Variants in TIMM9 observed in about 807,000 individuals in gnomAD.
The protein encoded by TIMM9 is translocase of inner mitochondrial membrane 9, also known as mitochondrial import inner membrane translocase subunit Tim9.
A neutral mutation model predicts 13.4 loss-of-function variants in TIMM9; 10 were observed. The observed-to-expected ratio is 0.75, with a 90% CI of 0.46 to 1.26. The LOEUF is 1.26. Ranked by LOEUF, TIMM9 falls within the 50% of genes most tolerant of loss-of-function variation. The probability of loss-of-function intolerance (pLI) is 0.00; values close to 1 mark genes in which losing one functional copy is unlikely to be tolerated. For synonymous variants in TIMM9, 32 were observed against 32.1 expected, an observed-to-expected ratio of 1.00 and a Z score of 0.01; for missense variants, 87 against 100.8, an observed-to-expected ratio of 0.86 and a Z score of 0.58.
intron 5 of TIMM9, among the ~76,000 whole-genome samples, chr14:58,410,405 G>A (rs555087141): frequency 9.3e-5 from 14 of 151,052 alleles, no homozygotes; most frequent in East Asian, 7.7e-4. Context: ...GTAACAGAGC[G>A]AGACCCTGTC....
At chr14:58,417,600 G>A (rs1451754536) in intron 3 of TIMM9, among the ~76,000 whole-genome samples, 1 of 136,132 alleles carries the variant, frequency 7.3e-6, no homozygotes, top group Non-Finnish European at 1.6e-5. Flanking sequence ...GTGGGAGGGA[G>A]GGAGGGACTT....
At chr14:58,415,708 T>C (rs934544097) in intron 3 of TIMM9, among the ~76,000 whole-genome samples, 2 of 152,012 alleles carry the variant, frequency 1.3e-5, no homozygotes, top group Non-Finnish European at 2.9e-5. Context: ...AAAGGACTTG[T>C]AGAAGTATAA....
chr14:58,422,885 C>T (rs1346607699), intron 3 of TIMM9, among the ~76,000 whole-genome samples: 2 of 152,000 alleles, frequency 1.3e-5, no homozygotes, highest in East Asian at 3.9e-4. Flanking sequence ...TTTCAGCTTA[C>T]TACATCTTCC....
chr14:58,421,033 A>G (rs1230571621), intron 3 of TIMM9, among the ~76,000 whole-genome samples: 1 of 152,164 alleles, frequency 6.6e-6, no homozygotes, highest in African/African-American at 2.4e-5. Context: ...TAGAGAAATG[A>G]AAATTTGTGT....
intron 3 of TIMM9, among the ~76,000 whole-genome samples, chr14:58,417,983 G>A (rs1199394365): frequency 6.6e-6 from 1 of 152,042 alleles, no homozygotes. Context: ...TATGAAGTTA[G>A]TATTATCCTG....
intron 2 of TIMM9, among the ~76,000 whole-genome samples, chr14:58,424,878 G>A (rs2036689032): frequency 6.6e-6 from 1 of 151,808 alleles, no homozygotes; most frequent in East Asian, 1.9e-4. Context: ...AAGAAAAAAC[G>A]TATAAGCTAA....
chr14:58,414,466 G>A (rs953302563), intron 3 of TIMM9, among the ~76,000 whole-genome samples: 3 of 151,882 alleles, frequency 2.0e-5, no homozygotes, highest in East Asian at 1.9e-4. Context: ...GGCTGGGCAC[G>A]GTGGCTCACA....
In TIMM9 at chr14:58,427,396, T is replaced by A. The variant is rs1031413913; in HGVS notation, c.-308A>T. 1 of 516,658 alleles carries A rather than the reference T, an allele frequency of 1.9e-6. No homozygotes were observed. The highest frequency in any genetic ancestry group is 1.9e-5 in the African/African-American group (1 of 52,138). 32.0% of individuals were successfully genotyped at this position (516,658 alleles called of 1,614,324 possible). On this transcript the variant is annotated 5_prime_UTR_variant, in exon 1 of 6. Coordinates refer to ENST00000395159, the MANE Select transcript of TIMM9 (RefSeq NM_012460.4). ...CTTCTTGGAAGCCTAATTTACCTAA[T>A]CCCACGTCCCTAACGGTCTTCGGAA...
intron 3 of TIMM9, among the ~76,000 whole-genome samples, chr14:58,423,492 G>C (rs2036647646): frequency 6.9e-6 from 1 of 145,780 alleles, no homozygotes; most frequent in African/African-American, 2.6e-5. Context: ...TCCAGCCTGG[G>C]TGACAGAGCG....
intron 2 of TIMM9, among the ~76,000 whole-genome samples, 182 bp downstream of exon 2, chr14:58,426,867 CCCAGG>C (rs2036852863): frequency 6.6e-6 from 1 of 152,186 alleles, no homozygotes; most frequent in African/African-American, 2.4e-5. Context: ...CCTACCCTCG[CCCAGG>C]TGACACCATC....
chr14:58,409,116 A>T lies in TIMM9; in HGVS notation c.188T>A (p.Ile63Lys). The T allele has an allele frequency of 6.2e-7, 1 of 1,613,836 alleles. No individual in the cohort carries two copies. The highest frequency in any genetic ancestry group is 2.2e-5 in the East Asian group (1 of 44,844). Residue 63 changes from isoleucine to lysine, a missense_variant, in exon 6 of 6, where the codon ATA becomes AAA. Ile to Lys is a moderately radical substitution (Grantham distance 102, BLOSUM62 -3). Coordinates refer to ENST00000395159, the MANE Select transcript of TIMM9 (RefSeq NM_012460.4). ...ATGATATTCCTGAAATCTCATGGAT[A>T]TTCTTTGTGTCATTTTTAAATATTT... is the stretch of plus-strand genomic sequence containing the variant. ...LQKYLKMTQR[I>K]SMRFQEYHIQ...
intron 3 of TIMM9, among the ~76,000 whole-genome samples, chr14:58,414,515 A>T (rs914457449): frequency 4.6e-5 from 7 of 152,072 alleles, no homozygotes; most frequent in African/African-American, 1.7e-4. Flanking sequence ...AGGCAGGTGG[A>T]TCACCTGAGG....
chr14:58,410,759 A>G (rs1430690098), intron 5 of TIMM9, 84 bp downstream of exon 5: 9 of 913,516 alleles, frequency 9.9e-6, no homozygotes, highest in South Asian at 1.7e-5. Flanking sequence ...TGTAATAAGT[A>G]GGAACAAGTG....
Position 58,416,041 on chromosome 14 carries a change from C to A in TIMM9, c.-26-4070G>T, listed in dbSNP as rs556056920. On this transcript the variant is annotated intron_variant, in intron 3 of 5. Coordinates refer to ENST00000395159, the MANE Select transcript of TIMM9 (RefSeq NM_012460.4). Reference sequence around the variant, plus strand: ...GACCAGCCTGGTCAACATGGTGAAACCCCGTCCCTACTGAAAAAAAAAAAA... The same window carrying A: ...GACCAGCCTGGTCAACATGGTGAAAACCCGTCCCTACTGAAAAAAAAAAAA... Among the ~76,000 whole-genome samples, 68 of 150,716 alleles carry A rather than the reference C, an allele frequency of 4.5e-4. No homozygotes were observed. In the South Asian group the frequency reaches 9.0e-3, roughly 20 times the overall value.
At chr14:58,409,318 C>G in intron 5 of TIMM9, 150 bp from the exon 6 acceptor site, 1 of 824,726 alleles carries the variant, frequency 1.2e-6, no homozygotes, top group South Asian at 1.8e-5. Context: ...CTGACCATAG[C>G]TTTTAATTGA....
intron 4 of TIMM9, among the ~76,000 whole-genome samples, chr14:58,411,155 T>C (rs2036201717): frequency 6.6e-6 from 1 of 152,160 alleles, no homozygotes; most frequent in Non-Finnish European, 1.5e-5. Flanking sequence ...AGATTAAAAA[T>C]ACATATGCTT....
chr14:58,426,395 C>T lies in TIMM9; in HGVS notation c.-115+659G>A, dbSNP rs146408533. On this transcript the variant is annotated intron_variant, in intron 2 of 5. Coordinates refer to ENST00000395159, the MANE Select transcript of TIMM9 (RefSeq NM_012460.4). ...TAATTTTTTGTATTTTCAGTAGAGG[C>T]GGGGTTTCACCTTGCTGGCCAGGCT... 5.2e-3 allele frequency among the ~76,000 whole-genome samples: 791 copies of T among 151,632 alleles called. 10 individuals carry two copies. The highest frequency in any genetic ancestry group is 0.019 in the African/African-American group (769 of 41,388).
At chr14:58,421,491 T>C (rs551090162) in intron 3 of TIMM9, among the ~76,000 whole-genome samples, 41 of 152,312 alleles carry the variant, frequency 2.7e-4, no homozygotes, top group South Asian at 8.3e-4. Flanking sequence ...GATGTTACCA[T>C]TGTGGAAAAC....
chr14:58,415,778 G>T (rs546227430), intron 3 of TIMM9, among the ~76,000 whole-genome samples: 2 of 152,134 alleles, frequency 1.3e-5, no homozygotes, highest in Non-Finnish European at 2.9e-5. Context: ...GGGTAGGGTA[G>T]TAAAAGTAGT....
Sources: allele counts gnomAD v4.1 joint callset (sites outside exome capture counted in the v4.1 genomes callset), GRCh38; gene constraint gnomAD v4.1.1; transcripts MANE v1.5; gene names NCBI Gene and HGNC (gene_info 2026-07-23, HGNC 2026-07-21).